Variants in ZBED6 observed in about 807,000 individuals in gnomAD.
The protein encoded by ZBED6 is zinc finger BED domain-containing protein 6.
ZBED6 carries 40 observed loss-of-function variants against 58.4 expected under a neutral mutation model. The observed-to-expected ratio is 0.68, with a 90% confidence interval of 0.53 to 0.89. The LOEUF is 0.89. Ranked by LOEUF, ZBED6 falls within the 40% of genes least tolerant of loss-of-function variation. The pLI, the probability that ZBED6 is intolerant of heterozygous loss-of-function variation, is 0.00. For synonymous variants in ZBED6, 439 were observed against 350.6 expected, an observed-to-expected ratio of 1.25 and a Z score of -2.82; for missense variants, 1,057 against 1,003.9, an observed-to-expected ratio of 1.05 and a Z score of -0.71.
intron 9 of ZBED6, among the ~76,000 whole-genome samples, chr1:203,837,492 C>T (rs1239434869): frequency 1.3e-5 from 2 of 149,162 alleles, no homozygotes; most frequent in Admixed American, 6.7e-5. Flanking sequence ...CTTGCTGTAT[C>T]GCCCAGGCAG....
At chr1:203,818,988 G>A (rs1040430502) in intron 3 of ZBED6, among the ~76,000 whole-genome samples, 13 of 150,984 alleles carry the variant, frequency 8.6e-5, no homozygotes, top group Non-Finnish European at 1.5e-4. Context: ...AAAATCGCTC[G>A]AACCAGGGAG....
At chr1:203,818,752 T>C in intron 3 of ZBED6, 63 bp downstream of exon 3, 1 of 1,609,710 alleles carries the variant, frequency 6.2e-7, no homozygotes, top group Non-Finnish European at 8.5e-7. Context: ...CAATAAAAAA[T>C]ATAGGGACAA....
At chr1:203,821,814 G>C (rs1391533266) in intron 3 of ZBED6, among the ~76,000 whole-genome samples, 2 of 151,412 alleles carry the variant, frequency 1.3e-5, no homozygotes, top group East Asian at 3.9e-4. Context: ...CTGGAGTGCA[G>C]TGGCGCGATC....
At chr1:203,852,337 C>G in exon 17 of ZBED6, 1 of 1,613,682 alleles carries the variant, frequency 6.2e-7, no homozygotes, top group Non-Finnish European at 8.5e-7. Flanking sequence ...TGAGATTGAC[C>G]TGGATCCTGG....
chr1:203,799,401 C>G, exon 1 of ZBED6: 2 of 703,158 alleles, frequency 2.8e-6, no homozygotes, highest in East Asian at 2.7e-5. Context: ...TCAGATACTG[C>G]AAGAGTTCCA....
At chr1:203,820,809 A>G (rs1678385497) in intron 3 of ZBED6, among the ~76,000 whole-genome samples, 1 of 152,122 alleles carries the variant, frequency 6.6e-6, no homozygotes, top group South Asian at 2.1e-4. Context: ...ATCCCGTGGC[A>G]CACAGTTTTA....
chr1:203,825,403 T>C (rs919727617), intron 3 of ZBED6, among the ~76,000 whole-genome samples: 9 of 151,464 alleles, frequency 5.9e-5, no homozygotes, highest in African/African-American at 2.2e-4. Context: ...GACATAATTA[T>C]GTAGGAGAAA....
At chr1:203,818,959 C>T (rs1677277304) in intron 3 of ZBED6, among the ~76,000 whole-genome samples, 1 of 151,210 alleles carries the variant, frequency 6.6e-6, no homozygotes, top group Admixed American at 6.6e-5. Context: ...ATTCCAGCTA[C>T]TCGGGAGGCT....
intron 9 of ZBED6, among the ~76,000 whole-genome samples, chr1:203,836,395 T>A (rs549333486): frequency 2.0e-5 from 3 of 152,248 alleles, no homozygotes; most frequent in Non-Finnish European, 4.4e-5. Flanking sequence ...TTCAGTCAAG[T>A]AATCTAAAAA....
At chr1:203,798,262 T>C in exon 1 of ZBED6, 2 of 1,536,114 alleles carry the variant, frequency 1.3e-6, no homozygotes, top group African/African-American at 1.4e-5. Flanking sequence ...AGAGGGAGAT[T>C]TCTCATCAAA....
At chr1:203,803,199 T>G (rs1263990980) in intron 1 of ZBED6, among the ~76,000 whole-genome samples, 183 bp downstream of exon 1, 1 of 152,232 alleles carries the variant, frequency 6.6e-6, no homozygotes, top group Non-Finnish European at 1.5e-5. Context: ...TTTTCTTTTT[T>G]TCTTTTTTGG....
chr1:203,829,495 G>A (rs1387439990), exon 5 of ZBED6: 2 of 1,613,944 alleles, frequency 1.2e-6, no homozygotes, highest in Admixed American at 3.3e-5. Flanking sequence ...GGAAGTGAAG[G>A]CTAGCCAACT....
At chr1:203,853,810 A>G (rs1454635035) in exon 17 of ZBED6, 1 of 152,670 alleles carries the variant, frequency 6.6e-6, no homozygotes, top group African/African-American at 2.4e-5. Context: ...ACTGAAGTTT[A>G]TGTATAGACA....
rs550094648 is a variant in ZBED6 at position 203,840,129 on chromosome 1, G to A, written c.*3673-177G>A. 2.5e-3 allele frequency among the ~76,000 whole-genome samples: 378 copies of A among 151,874 alleles called. 1 individual carries two copies. Among genetic ancestry groups the A allele is most frequent in the African/African-American group, 8.6e-3 (357 of 41,404 alleles). On this transcript the variant is annotated intron_variant, in intron 10 of 16. Coordinates refer to ENST00000550078, the Ensembl canonical transcript of ZBED6. ...AATTTTTGCAATTTTAGTAGAGATG[G>A]GGTTTCACCATGTTGGCCAGGCTGG...
chr1:203,816,514 G>A (rs1291622202), intron 1 of ZBED6, among the ~76,000 whole-genome samples: 1 of 151,980 alleles, frequency 6.6e-6, no homozygotes, highest in East Asian at 1.9e-4. Context: ...CTGTAGTCCT[G>A]GATACTTGGG....
exon 17 of ZBED6, chr1:203,853,890 T>A (rs1200466119): frequency 6.5e-6 from 1 of 152,676 alleles, no homozygotes; most frequent in Non-Finnish European, 1.5e-5. Context: ...AGAGGTAGAA[T>A]GTTCAGGTTT....
intron 3 of ZBED6, among the ~76,000 whole-genome samples, chr1:203,827,019 A>G (rs1268097704): frequency 6.6e-6 from 1 of 152,172 alleles, no homozygotes; most frequent in Non-Finnish European, 1.5e-5. Context: ...ACCATGGAGA[A>G]GTTTTGACTG....
chr1:203,838,523 G>A (rs1164317874), intron 10 of ZBED6, among the ~76,000 whole-genome samples: 1 of 152,240 alleles, frequency 6.6e-6, no homozygotes, highest in Non-Finnish European at 1.5e-5. Flanking sequence ...AGAGCTAAGA[G>A]TGGTATGCTC....
intron 11 of ZBED6, among the ~76,000 whole-genome samples, chr1:203,841,068 A>G (rs1170217119): frequency 3.9e-5 from 6 of 152,120 alleles, no homozygotes; most frequent in African/African-American, 9.7e-5. Flanking sequence ...ATCAACTTGC[A>G]TTGTATCAAG....
Sources: allele counts gnomAD v4.1 joint callset (sites outside exome capture counted in the v4.1 genomes callset), GRCh38; gene constraint gnomAD v4.1.1; transcripts MANE v1.5; gene names NCBI Gene and HGNC (gene_info 2026-07-23, HGNC 2026-07-21).